Variants in ALDH8A1 observed in about 807,000 individuals in gnomAD.
ALDH8A1 encodes the protein aldehyde dehydrogenase 8 family member A1.
A neutral mutation model predicts 43.3 loss-of-function variants in ALDH8A1; 39 were observed. The observed-to-expected ratio is 0.90, with a 90% CI of 0.70 to 1.18. The LOEUF (loss-of-function observed/expected upper bound fraction) is 1.18, where lower values mean the gene tolerates loss of function less well. Among genes scored for constraint, ALDH8A1 ranks in the 50% most tolerant of loss-of-function variants. The pLI is 0.00. For missense variants in ALDH8A1, 605 were observed against 622.6 expected (o/e 0.97, Z 0.30); for synonymous variants, 233 against 243.5 (o/e 0.96, Z 0.40).
chr6:134,940,039 C>G (rs1374238433), intron 3 of ALDH8A1: 15 of 182,990 alleles, frequency 8.2e-5, no homozygotes, highest in Non-Finnish European at 1.6e-4. Flanking sequence ...CACATGGACA[C>G]AGGGAAAGGA....
chr6:134,918,291 T>TAG lies in ALDH8A1; in HGVS notation c.*122_*123dup, dbSNP rs372144288. On this transcript the variant is annotated 3_prime_UTR_variant, in exon 7 of 7. Coordinates refer to ENST00000265605, the MANE Select transcript of ALDH8A1 (RefSeq NM_022568.4). ...AAGTTACTAAGAACTGAGGATAAGC[T>TAG]AGAGATAACCTTCTGCCAAGTCAAG... 262 of 878,918 alleles carry TAG rather than the reference T, an allele frequency of 3.0e-4. 1 individual carries two copies. The African/African-American group carries it at 3.3e-3, about 11-fold the overall frequency. The allele number at this position is 878,918 out of a possible 1,614,324, so 54.4% of individuals were successfully genotyped here. A position where few individuals can be genotyped will look rare whatever the true frequency, so the allele number is the denominator to read the frequency against.
At chr6:134,935,742 C>T (rs1446127726) in intron 4 of ALDH8A1, among the ~76,000 whole-genome samples, 1 of 152,088 alleles carries the variant, frequency 6.6e-6, no homozygotes. Context: ...TGGATACAAC[C>T]CATTTCTTCC....
Position 134,937,293 on chromosome 6 carries a change from C to T in ALDH8A1, c.592+1973G>A, listed in dbSNP as rs9483780. Among the ~76,000 whole-genome samples the T allele has an allele frequency of 3.8e-3, 585 of 152,278 alleles. 3 individuals carry two copies. Among genetic ancestry groups the T allele is most frequent in the African/African-American group, 0.014 (562 of 41,540 alleles). ...AACGAATTAGTTATTTTCGCTTTTC[C>T]CTCCCCTACTAAAAGCTTCTCTTAC... On this transcript the variant is annotated intron_variant, in intron 4 of 6. Coordinates refer to ENST00000265605, the MANE Select transcript of ALDH8A1 (RefSeq NM_022568.4).
At chr6:134,942,684 C>A in intron 2 of ALDH8A1, 120 bp from the exon 3 acceptor site, 1 of 997,966 alleles carries the variant, frequency 1.0e-6, no homozygotes, top group Admixed American at 2.7e-5. Flanking sequence ...TAGCCCGGGG[C>A]AGGCATTCCT....
At position 134,925,911 on chromosome 6, in the gene ALDH8A1, C is replaced by T. The variant is rs187260894; in HGVS notation, c.1011+3143G>A. ...AGAGCATTCCAGGCAGCGTGAGCAA[C>T]AAGAGCAAGGGCCAAGAAGGAGGAG... is the stretch of plus-strand genomic sequence containing the variant. On this transcript the variant is annotated intron_variant, in intron 6 of 6. Transcript: ENST00000265605. Among the ~76,000 whole-genome samples the T allele has an allele frequency of 2.4e-3, 361 of 152,158 alleles. 1 individual carries two copies. The highest frequency in any genetic ancestry group is 8.4e-3 in the African/African-American group (348 of 41,508).
chr6:134,939,619 CAGAGT>C (rs1773816480), intron 3 of ALDH8A1, among the ~76,000 whole-genome samples: 1 of 152,212 alleles, frequency 6.6e-6, no homozygotes, highest in African/African-American at 2.4e-5. Flanking sequence ...TCTTTTAAAA[CAGAGT>C]AAAGTCAATA....
chr6:134,943,986 GA>G lies in ALDH8A1; in HGVS notation c.139-21del, dbSNP rs1411894435. 13 of 1,610,756 alleles carry G rather than the reference GA, an allele frequency of 8.1e-6. No individual in the cohort carries two copies. Among genetic ancestry groups the G allele is most frequent in the Non-Finnish European group, 1.1e-5 (13 of 1,178,250 alleles). On this transcript the variant is annotated intron_variant, in intron 1 of 6. Transcript: ENST00000265605. Reference sequence around the variant, plus strand: ...TTCGATCTTTGAGGAGCAAATGGGAGAAAGGGTCACCTTAAAGCTGTTAGTC... The same window carrying G: ...TTCGATCTTTGAGGAGCAAATGGGAGAAGGGTCACCTTAAAGCTGTTAGTC...
chr6:134,929,712 A>G (rs1311273215), intron 5 of ALDH8A1, among the ~76,000 whole-genome samples: 1 of 152,156 alleles, frequency 6.6e-6, no homozygotes, highest in Non-Finnish European at 1.5e-5. Flanking sequence ...GGAGGCAAGG[A>G]CAGGAGGTGT....
chr6:134,934,066 A>G (rs771409834), intron 4 of ALDH8A1, among the ~76,000 whole-genome samples: 4 of 152,178 alleles, frequency 2.6e-5, no homozygotes, highest in Non-Finnish European at 5.9e-5. Context: ...TAGAAGGTAC[A>G]CTAGCTAAGG....
intron 4 of ALDH8A1, among the ~76,000 whole-genome samples, chr6:134,936,764 T>C (rs895386857): frequency 1.3e-5 from 2 of 152,236 alleles, no homozygotes; most frequent in South Asian, 2.1e-4. Flanking sequence ...CTGGCCATTA[T>C]TTCTCAGTAC....
intron 6 of ALDH8A1, among the ~76,000 whole-genome samples, chr6:134,922,863 A>G (rs1278681147): frequency 6.6e-6 from 1 of 152,164 alleles, no homozygotes; most frequent in East Asian, 1.9e-4. Flanking sequence ...AGTTGATTGA[A>G]AAGTCTTCAG....
intron 3 of ALDH8A1, 21 bp downstream of exon 3, chr6:134,942,388 C>T (rs202009000): frequency 2.5e-5 from 40 of 1,569,892 alleles, no homozygotes; most frequent in Admixed American, 1.1e-4. Flanking sequence ...GGGAGGTGGG[C>T]TCTCACTGAA....
In ALDH8A1 at chr6:134,939,180, C is replaced by T. The variant is rs149041284; in HGVS notation, c.592+86G>A. Reference sequence around the variant, plus strand: ...ACAAAGCCCATGATGTCACTGGAATCGATTGTGCTGCTGAGTGGAAGATTT... The same window carrying T: ...ACAAAGCCCATGATGTCACTGGAATTGATTGTGCTGCTGAGTGGAAGATTT... On this transcript the variant is annotated intron_variant, in intron 4 of 6. Transcript: ENST00000265605. The T allele has an allele frequency of 1.1e-3, 1,711 of 1,548,816 alleles. 10 individuals carry two copies. In the African/African-American group the frequency reaches 0.018, roughly 17 times the overall value.
In ALDH8A1 at chr6:134,937,885, G is replaced by T. The variant is rs79230690; in HGVS notation, c.592+1381C>A. 8.4e-3 allele frequency among the ~76,000 whole-genome samples: 1,280 copies of T among 152,114 alleles called. 19 individuals carry two copies. Among genetic ancestry groups the T allele is most frequent in the African/African-American group, 0.029 (1,205 of 41,486 alleles). On this transcript the variant is annotated intron_variant, in intron 4 of 6. Transcript: ENST00000265605. ...ACCCCCTCCACCTCGAAGCCTGGGA[G>T]CTCCATAGATGACAAATCAGAGTCC...
chr6:134,924,216 C>T (rs557507285), intron 6 of ALDH8A1, among the ~76,000 whole-genome samples: 25 of 152,306 alleles, frequency 1.6e-4, no homozygotes, highest in Admixed American at 1.2e-3. Flanking sequence ...ACCTGTATGC[C>T]GGTGCTACCG....
At chr6:134,928,798 C>T (rs2114686233) in intron 6 of ALDH8A1, among the ~76,000 whole-genome samples, 1 of 152,336 alleles carries the variant, frequency 6.6e-6, no homozygotes, top group South Asian at 2.1e-4. Context: ...TTGGCTTCCC[C>T]TCTCTACTGG....
chr6:134,919,018 A>T, intron 6 of ALDH8A1, 151 bp from the exon 7 acceptor site: 2 of 915,392 alleles, frequency 2.2e-6, no homozygotes, highest in Non-Finnish European at 1.6e-6. Flanking sequence ...TCAGCTGCTA[A>T]GCCAGAGGGC....
At chr6:134,927,262 A>T (rs1230832592) in intron 6 of ALDH8A1, among the ~76,000 whole-genome samples, 1 of 152,148 alleles carries the variant, frequency 6.6e-6, no homozygotes, top group Non-Finnish European at 1.5e-5. Flanking sequence ...TAAATATTTA[A>T]TTCTCCAACA....
At chr6:134,943,731 A>G in intron 2 of ALDH8A1, 88 bp downstream of exon 2, 4 of 1,525,644 alleles carry the variant, frequency 2.6e-6, no homozygotes, top group South Asian at 1.3e-5. Context: ...GAGCAGGCAC[A>G]TGGGCTGGCC....
Sources: gnomAD v4.1 joint callset for allele counts (sites outside exome capture counted in the v4.1 genomes callset) on GRCh38, gnomAD v4.1.1 for gene constraint, MANE v1.5 for transcripts, NCBI Gene and HGNC (gene_info 2026-07-23, HGNC 2026-07-21) for gene names.